The following TSHZ2 variants were observed in gnomAD, a reference collection of about 807,000 sequenced individuals.
The protein encoded by TSHZ2 is teashirt homolog 2.
TSHZ2 carries 21 observed loss-of-function variants against 74.4 expected under a neutral mutation model. That is an observed-to-expected ratio of 0.28 (90% CI 0.20 to 0.41). The LOEUF is 0.41. Ranked by LOEUF, TSHZ2 falls within the 10% of genes least tolerant of loss-of-function variation. TSHZ2 has a pLI of 1.00. For missense variants in TSHZ2, 1,244 were observed against 1,293.5 expected (o/e 0.96, Z 0.59); for synonymous variants, 540 against 515.3 (o/e 1.05, Z -0.65).
chr20:53,228,212 C>G (rs1989733908), intron 1 of TSHZ2, among the ~76,000 whole-genome samples: 1 of 151,932 alleles, frequency 6.6e-6, no homozygotes, highest in Non-Finnish European at 1.5e-5. Context: ...CCTCAGGACT[C>G]TGTGCCTCTG....
chr20:52,998,460 A>G (rs1222347122), intron 1 of TSHZ2, among the ~76,000 whole-genome samples: 1 of 152,122 alleles, frequency 6.6e-6, no homozygotes, highest in East Asian at 1.9e-4. Flanking sequence ...GAGCCACTGC[A>G]CCTGGCCAAA....
intron 1 of TSHZ2, among the ~76,000 whole-genome samples, chr20:53,181,039 T>G (rs1260999121): frequency 6.6e-6 from 1 of 152,080 alleles, no homozygotes; most frequent in East Asian, 1.9e-4. Flanking sequence ...ACCCCACCAT[T>G]TCTCACCTTT....
At chr20:53,284,925 A>G (rs975117666) in intron 2 of TSHZ2, among the ~76,000 whole-genome samples, 2 of 152,080 alleles carry the variant, frequency 1.3e-5, no homozygotes, top group South Asian at 2.1e-4. Flanking sequence ...GTTTCAGTTC[A>G]GTGATATGAA....
At chr20:53,370,713 G>A (rs575088373) in intron 2 of TSHZ2, among the ~76,000 whole-genome samples, 26 of 152,220 alleles carry the variant, frequency 1.7e-4, no homozygotes, top group African/African-American at 3.9e-4. Flanking sequence ...GCAGTGAGCC[G>A]TGATGATGAC....
chr20:53,005,146 T>C (rs899667591), intron 1 of TSHZ2, among the ~76,000 whole-genome samples: 1 of 151,774 alleles, frequency 6.6e-6, no homozygotes, highest in Non-Finnish European at 1.5e-5. Context: ...ACCCTGTCTC[T>C]ACTAAAAATA....
Position 53,253,521 on chromosome 20 carries a change from G to A in TSHZ2, c.63G>A (p.Leu21=), listed in dbSNP as rs1555841469. The part of the protein sequence containing the change: ...RAAGYAQEEQ[L]KEEEEIKEEE... ...CAGGCTACGCCCAGGAGGAACAGCTGAAAGAAGAGGAGGAAATAAAAGAAG... is the reference window on the plus strand; with the variant it reads ...CAGGCTACGCCCAGGAGGAACAGCTAAAAGAAGAGGAGGAAATAAAAGAAG... The change falls in exon 2 of 3, where the codon CTG becomes CTA. Residue 21 remains leucine, a synonymous_variant. Coordinates refer to ENST00000371497, the MANE Select transcript of TSHZ2 (RefSeq NM_173485.6). 6.2e-7 allele frequency: 1 copy of A among 1,611,446 alleles called. No homozygotes were observed. The highest frequency in any genetic ancestry group is 1.7e-5 in the Admixed American group (1 of 59,882).
At chr20:53,122,183 G>T (rs551125429) in intron 1 of TSHZ2, among the ~76,000 whole-genome samples, 1 of 151,520 alleles carries the variant, frequency 6.6e-6, no homozygotes, top group Non-Finnish European at 1.5e-5. Flanking sequence ...AGCCACTTAG[G>T]AGGCTAAGGT....
intron 1 of TSHZ2, among the ~76,000 whole-genome samples, chr20:53,076,795 G>T (rs1053801798): frequency 2.6e-5 from 4 of 152,174 alleles, no homozygotes; most frequent in Admixed American, 6.5e-5. Flanking sequence ...GGACTAGATG[G>T]AGGATCCTGG....
At chr20:53,065,175 C>G (rs1984941916) in intron 1 of TSHZ2, among the ~76,000 whole-genome samples, 1 of 152,172 alleles carries the variant, frequency 6.6e-6, no homozygotes, top group Non-Finnish European at 1.5e-5. Context: ...TGGTGACACT[C>G]TAAGTATGAT....
chr20:53,295,050 A>C (rs1991350373), intron 2 of TSHZ2, among the ~76,000 whole-genome samples: 1 of 152,156 alleles, frequency 6.6e-6, no homozygotes, highest in Admixed American at 6.5e-5. Flanking sequence ...GTTACTTTCC[A>C]TTTAGTACAT....
intron 1 of TSHZ2, among the ~76,000 whole-genome samples, chr20:53,086,233 G>A (rs1262673648): frequency 1.3e-5 from 2 of 152,206 alleles, no homozygotes; most frequent in African/African-American, 2.4e-5. Flanking sequence ...ATAGACCAGG[G>A]AATTGATGCA....
rs553634463 is a variant in TSHZ2, at chr20:53,360,168, G to A, written c.*8+103597G>A. On this transcript the variant is annotated intron_variant, in intron 2 of 2. Transcript: ENST00000371497. ...AAAAATCAAGATTTCCAAGTGAAGG[G>A]GGAAATGATACACTTTGTAAATGTA... Among the ~76,000 whole-genome samples the A allele has an allele frequency of 2.6e-5, 4 of 152,228 alleles. No individual in the cohort carries two copies. In the South Asian group the frequency reaches 8.3e-4, roughly 32 times the overall value.
chr20:53,116,058 C>T (rs1986657740), intron 1 of TSHZ2, among the ~76,000 whole-genome samples: 1 of 152,200 alleles, frequency 6.6e-6, no homozygotes, highest in African/African-American at 2.4e-5. Flanking sequence ...CATTACTTCT[C>T]TTCCTTATAT....
chr20:53,458,392 G>A (rs1354956034), intron 2 of TSHZ2, among the ~76,000 whole-genome samples: 2 of 152,068 alleles, frequency 1.3e-5, no homozygotes, highest in African/African-American at 4.8e-5. Context: ...ATTTCTGTGG[G>A]ATCAGTGGTG....
chr20:53,273,323 C>G (rs1197786816), intron 2 of TSHZ2: 1 of 152,448 alleles, frequency 6.6e-6, no homozygotes, highest in African/African-American at 2.4e-5. Flanking sequence ...GACAGAGTTT[C>G]ACTCTTCTTG....
At chr20:53,076,813 G>A (rs1273917611) in intron 1 of TSHZ2, among the ~76,000 whole-genome samples, 2 of 152,156 alleles carry the variant, frequency 1.3e-5, no homozygotes, top group Non-Finnish European at 2.9e-5. Flanking sequence ...TGGAAGGCTG[G>A]AAAGAGTTAA....
rs181706614 is a variant in TSHZ2 at position 53,160,505 on chromosome 20, A to T, written c.41-92994A>T. Among the ~76,000 whole-genome samples, 65 of 152,288 alleles carry T rather than the reference A, an allele frequency of 4.3e-4. 1 individual carries two copies. The South Asian group carries it at 8.5e-3, about 20-fold the overall frequency. Reference sequence around the variant, plus strand: ...TTTTCAGGGCCGGGGGCAGTGGCTCATGCCTGTAATTCCAGCACTTTGGGA... The same window carrying T: ...TTTTCAGGGCCGGGGGCAGTGGCTCTTGCCTGTAATTCCAGCACTTTGGGA... On this transcript the variant is annotated intron_variant, in intron 1 of 2. Coordinates refer to ENST00000371497, the MANE Select transcript of TSHZ2 (RefSeq NM_173485.6).
chr20:53,371,918 C>A (rs972778719), intron 2 of TSHZ2, among the ~76,000 whole-genome samples: 1 of 151,764 alleles, frequency 6.6e-6, no homozygotes, highest in African/African-American at 2.4e-5. Flanking sequence ...AGGACATGCT[C>A]CCTCAGAAGG....
At chr20:52,982,374 C>G (rs1981599576) in intron 1 of TSHZ2, among the ~76,000 whole-genome samples, 1 of 152,104 alleles carries the variant, frequency 6.6e-6, no homozygotes, top group Non-Finnish European at 1.5e-5. Context: ...TTATTCTCCC[C>G]CTGTGTCTAT....
Sources: allele counts gnomAD v4.1 joint callset (sites outside exome capture counted in the v4.1 genomes callset), GRCh38; gene constraint gnomAD v4.1.1; transcripts MANE v1.5; gene names NCBI Gene and HGNC (gene_info 2026-07-23, HGNC 2026-07-21).